The following NAV2 variants were observed in gnomAD, a reference collection of about 807,000 sequenced individuals.
The protein encoded by NAV2 is helicase, APC down-regulated 1.
Under a neutral mutation model 223.2 loss-of-function variants are expected in NAV2, and 54 were observed. The observed-to-expected ratio is 0.24, with a 90% confidence interval of 0.19 to 0.30. The LOEUF (loss-of-function observed/expected upper bound fraction) is 0.30. Ranked by LOEUF, NAV2 falls within the 10% of genes least tolerant of loss-of-function variation. The pLI is 1.00. For synonymous variants in NAV2, 1,279 were observed against 1,239.3 expected (o/e 1.03, Z -0.67); for missense variants, 2,806 against 3,147.5 (o/e 0.89, Z 2.60).
chr11:20,112,529 A>G (rs2062722004), intron 36 of NAV2, among the ~76,000 whole-genome samples: 1 of 152,174 alleles, frequency 6.6e-6, no homozygotes, highest in African/African-American at 2.4e-5. Flanking sequence ...GATGGCACAG[A>G]CAGTCATGGG....
chr11:19,359,466 G>T (rs951558827), intron 1 of NAV2, among the ~76,000 whole-genome samples: 3 of 152,180 alleles, frequency 2.0e-5, no homozygotes, highest in Admixed American at 6.5e-5. Context: ...CTGTGGCTCA[G>T]ATGTACCCAA....
At chr11:19,405,851 T>C (rs1433714384) in intron 1 of NAV2, among the ~76,000 whole-genome samples, 1 of 152,224 alleles carries the variant, frequency 6.6e-6, no homozygotes. Context: ...GTAAAAGCAC[T>C]GGGTCTCCAA....
intron 6 of NAV2, among the ~76,000 whole-genome samples, chr11:19,926,193 T>G (rs2153233009): frequency 6.6e-6 from 1 of 152,304 alleles, no homozygotes; most frequent in East Asian, 1.9e-4. Context: ...AAAAACCATT[T>G]TATTGTATAG....
chr11:19,969,962 A>G (rs2049089141), intron 10 of NAV2, among the ~76,000 whole-genome samples: 1 of 152,050 alleles, frequency 6.6e-6, no homozygotes, highest in African/African-American at 2.4e-5. Context: ...AAAAAGAAAA[A>G]AAGAAAAAAG....
At chr11:19,753,959 C>T (rs190321121) in intron 1 of NAV2, among the ~76,000 whole-genome samples, 350 of 152,296 alleles carry the variant, frequency 2.3e-3, no homozygotes, top group African/African-American at 8.2e-3. Context: ...AATTCATGCC[C>T]GCATGACTAT....
At chr11:19,996,391 A>G (rs2051888878) in intron 11 of NAV2, among the ~76,000 whole-genome samples, 2 of 152,170 alleles carry the variant, frequency 1.3e-5, no homozygotes, top group South Asian at 4.2e-4. Flanking sequence ...TCCAGGTATC[A>G]TTTTCCCCAT....
At chr11:19,549,305 A>T (rs548583819) in intron 1 of NAV2, among the ~76,000 whole-genome samples, 19 of 152,274 alleles carry the variant, frequency 1.2e-4, no homozygotes, top group African/African-American at 4.6e-4. Context: ...AAAAAAGGTG[A>T]TCCTCCTGGA....
intron 10 of NAV2, among the ~76,000 whole-genome samples, chr11:19,977,527 T>A (rs1303461130): frequency 6.6e-6 from 1 of 152,234 alleles, no homozygotes; most frequent in African/African-American, 2.4e-5. Flanking sequence ...AACATGTCTC[T>A]GAACTTGTCG....
chr11:20,097,468 A>G, intron 30 of NAV2, 109 bp from the exon 31 acceptor site: 1 of 915,876 alleles, frequency 1.1e-6, no homozygotes, highest in Non-Finnish European at 1.5e-6. Context: ...TTCAACTCAG[A>G]CATCTGAGAA....
chr11:19,961,645 G>A (rs776831792), intron 10 of NAV2, among the ~76,000 whole-genome samples: 4 of 152,276 alleles, frequency 2.6e-5, no homozygotes, highest in Admixed American at 6.5e-5. Flanking sequence ...TGTGACCATA[G>A]GGAAATTTCT....
chr11:19,699,942 G>A (rs550276448), intron 1 of NAV2, among the ~76,000 whole-genome samples: 122 of 152,286 alleles, frequency 8.0e-4, no homozygotes, highest in African/African-American at 2.9e-3. Flanking sequence ...GATGCTGGAG[G>A]ATCCCCGTGA....
chr11:19,922,677 C>T (rs913248972), intron 6 of NAV2, among the ~76,000 whole-genome samples: 7 of 152,112 alleles, frequency 4.6e-5, no homozygotes, highest in Non-Finnish European at 1.0e-4. Context: ...AATGTGAGAC[C>T]TTGGAGAAGT....
chr11:19,770,311 A>G (rs2055609297), intron 1 of NAV2, among the ~76,000 whole-genome samples: 1 of 151,910 alleles, frequency 6.6e-6, no homozygotes, highest in East Asian at 1.9e-4. Flanking sequence ...TAGACTAGAT[A>G]TGCCTAAAAT....
intron 3 of NAV2, among the ~76,000 whole-genome samples, chr11:19,865,949 C>G (rs1423711757): frequency 6.6e-6 from 1 of 152,184 alleles, no homozygotes; most frequent in Non-Finnish European, 1.5e-5. Context: ...AATTCAGGCT[C>G]CTATGTATGA....
chr11:19,888,575 C>G (rs777736874), intron 5 of NAV2, among the ~76,000 whole-genome samples: 16 of 152,188 alleles, frequency 1.1e-4, no homozygotes, highest in Non-Finnish European at 1.8e-4. Flanking sequence ...TCACCTCTAC[C>G]TGTGCTCTCA....
At chr11:19,845,489 C>T (rs1271333896) in intron 3 of NAV2, among the ~76,000 whole-genome samples, 1 of 152,112 alleles carries the variant, frequency 6.6e-6, no homozygotes, top group Non-Finnish European at 1.5e-5. Flanking sequence ...CGGTCACTCC[C>T]TAAGAAAACA....
At chr11:19,826,740 G>A (rs1172489207) in intron 1 of NAV2, among the ~76,000 whole-genome samples, 2 of 152,230 alleles carry the variant, frequency 1.3e-5, no homozygotes, top group African/African-American at 4.8e-5. Flanking sequence ...GAGCTATGGA[G>A]TGATTTATTT....
At chr11:19,421,764 CTTTTTTTTTT>C (rs373669949) in intron 1 of NAV2, among the ~76,000 whole-genome samples, 8 of 84,544 alleles carry the variant, frequency 9.5e-5, no homozygotes, top group Non-Finnish European at 1.4e-4. Context: ...AAGAGAGAGG[CTTTTTTTTTT>C]TTTTTTTTTT....
At chr11:19,841,469 A>G (rs1409158624) in intron 2 of NAV2, among the ~76,000 whole-genome samples, 2 of 152,084 alleles carry the variant, frequency 1.3e-5, no homozygotes, top group South Asian at 2.1e-4. Flanking sequence ...ATATGATATG[A>G]TTTTATTTGG....
Sources: allele counts gnomAD v4.1 joint callset (sites outside exome capture counted in the v4.1 genomes callset), GRCh38; gene constraint gnomAD v4.1.1; transcripts MANE v1.5; gene names NCBI Gene and HGNC (gene_info 2026-07-23, HGNC 2026-07-21).